Variants in SLC4A10 observed in about 807,000 individuals in gnomAD.
The protein encoded by SLC4A10 is sodium-driven chloride bicarbonate exchanger.
SLC4A10 carries 42 observed loss-of-function variants against 137.7 expected under a neutral mutation model. That is an observed-to-expected ratio of 0.30 (90% confidence interval 0.24 to 0.39). The LOEUF is 0.39. SLC4A10 is among the 10% of genes least tolerant of loss of function. SLC4A10 has a pLI of 1.00. For synonymous variants in SLC4A10, 474 were observed against 464.1 expected, an observed-to-expected ratio of 1.02 and a Z score of -0.27; for missense variants, 925 against 1,355.0, an observed-to-expected ratio of 0.68 and a Z score of 4.98.
At chr2:161,684,916 A>C (rs1249120991) in intron 1 of SLC4A10, among the ~76,000 whole-genome samples, 3 of 152,130 alleles carry the variant, frequency 2.0e-5, no homozygotes, top group Non-Finnish European at 4.4e-5. Context: ...TATGTTGCTG[A>C]TTCTGAGGTT....
chr2:161,774,535 C>T (rs1279133254), intron 2 of SLC4A10, among the ~76,000 whole-genome samples: 1 of 151,814 alleles, frequency 6.6e-6, no homozygotes, highest in Non-Finnish European at 1.5e-5. Context: ...CTACGTTCCT[C>T]CCCAAGAATT....
intron 23 of SLC4A10, among the ~76,000 whole-genome samples, chr2:161,966,446 G>A (rs1008016346): frequency 1.3e-5 from 2 of 151,872 alleles, no homozygotes; most frequent in Admixed American, 6.6e-5. Flanking sequence ...AAATATTAGT[G>A]CTTTTTTAAA....
chr2:161,755,811 C>T (rs534141270), intron 1 of SLC4A10, among the ~76,000 whole-genome samples: 1 of 150,378 alleles, frequency 6.6e-6, no homozygotes, highest in South Asian at 2.1e-4. Context: ...TGCCCTGTCA[C>T]CTAGGCTGGA....
At position 161,905,698 on chromosome 2, in the gene SLC4A10, C is replaced by T; in HGVS notation, c.1808C>T (p.Thr603Ile). ...GCTAGCATTGGACTTTGGACTGCAA[C>T]TCTATGTATCATACTTGTGGCCACA... The part of the protein sequence containing the change: ...LRASIGLWTA[T>I]LCIILVATDA... The change falls in exon 15 of 27, where the codon ACT (threonine) becomes ATT (isoleucine). Residue 603 changes from threonine to isoleucine, a missense_variant. Thr to Ile is a moderately conservative substitution (Grantham distance 89). Coordinates refer to ENST00000446997, the MANE Select transcript of SLC4A10 (RefSeq NM_001178015.2). 1 of 1,613,950 alleles carries T rather than the reference C, an allele frequency of 6.2e-7. No individual in the cohort carries two copies. Among genetic ancestry groups the T allele is most frequent in the Non-Finnish European group, 8.5e-7 (1 of 1,179,868 alleles).
chr2:161,783,832 A>G (rs1389642008), intron 2 of SLC4A10, among the ~76,000 whole-genome samples: 1 of 151,818 alleles, frequency 6.6e-6, no homozygotes, highest in African/African-American at 2.4e-5. Context: ...GCAAGAGAGG[A>G]AAAAATGCAC....
intron 1 of SLC4A10, among the ~76,000 whole-genome samples, chr2:161,660,186 A>G (rs1449273874): frequency 6.6e-6 from 1 of 152,234 alleles, no homozygotes; most frequent in Non-Finnish European, 1.5e-5. Context: ...ATCTCAATAA[A>G]ACTGCTAAAA....
At chr2:161,831,114 C>T (rs1386608388) in intron 3 of SLC4A10, among the ~76,000 whole-genome samples, 1 of 152,072 alleles carries the variant, frequency 6.6e-6, no homozygotes, top group Non-Finnish European at 1.5e-5. Flanking sequence ...ACTGTAATAG[C>T]AAGGGAAAGA....
At chr2:161,959,431 A>G (rs1696234179) in intron 21 of SLC4A10, among the ~76,000 whole-genome samples, 1 of 152,172 alleles carries the variant, frequency 6.6e-6, no homozygotes, top group South Asian at 2.1e-4. Flanking sequence ...TGAAGGTTTG[A>G]TAGTGCTGGA....
At chr2:161,897,265 C>G (rs895785335) in intron 11 of SLC4A10, among the ~76,000 whole-genome samples, 1 of 151,906 alleles carries the variant, frequency 6.6e-6, no homozygotes, top group Non-Finnish European at 1.5e-5. Flanking sequence ...GAGTGATGAC[C>G]AAATATTTGT....
intron 6 of SLC4A10, among the ~76,000 whole-genome samples, chr2:161,869,158 T>C (rs2060954714): frequency 6.6e-6 from 1 of 151,730 alleles, no homozygotes; most frequent in South Asian, 2.1e-4. Flanking sequence ...TTCTTTGTTA[T>C]TCTATTAGGA....
At chr2:161,915,130 C>G (rs530196677) in intron 15 of SLC4A10, among the ~76,000 whole-genome samples, 1 of 152,058 alleles carries the variant, frequency 6.6e-6, no homozygotes, top group Non-Finnish European at 1.5e-5. Flanking sequence ...AGCAGCTAGA[C>G]GTCAGGGAGA....
chr2:161,771,393 G>A (rs1007748553), intron 2 of SLC4A10, among the ~76,000 whole-genome samples: 14 of 151,838 alleles, frequency 9.2e-5, no homozygotes, highest in African/African-American at 3.1e-4. Context: ...CTGTGTGAGA[G>A]GTGAATGTAG....
At chr2:161,896,775 A>T (rs2063552351) in intron 11 of SLC4A10, among the ~76,000 whole-genome samples, 1 of 152,152 alleles carries the variant, frequency 6.6e-6, no homozygotes, top group Admixed American at 6.6e-5. Context: ...CTTTCTTAGT[A>T]CTACCTAACA....
At position 161,983,637 on chromosome 2, in the gene SLC4A10, T is replaced by A. The variant is rs1434895560; in HGVS notation, c.*485T>A. 1.3e-5 allele frequency: 2 copies of A among 159,008 alleles called. No homozygotes were observed. The highest frequency in any genetic ancestry group is 2.7e-5 in the Non-Finnish European group (2 of 72,816). The allele number at this position is 159,008 out of a possible 1,614,324, so 9.8% of individuals were successfully genotyped here. ...TTTTTGAAAGGTAGTCTTACTTCTTTTTAGTTTTTATAGCTTAGCATTAGT... is the reference window on the plus strand; with the variant it reads ...TTTTTGAAAGGTAGTCTTACTTCTTATTAGTTTTTATAGCTTAGCATTAGT... On this transcript the variant is annotated 3_prime_UTR_variant, in exon 27 of 27. Transcript: ENST00000446997.
At chr2:161,699,516 T>C (rs562551058) in intron 1 of SLC4A10, among the ~76,000 whole-genome samples, 1 of 152,326 alleles carries the variant, frequency 6.6e-6, no homozygotes, top group Non-Finnish European at 1.5e-5. Context: ...TTTAAGCATA[T>C]ATTAAGTTCA....
chr2:161,656,102 A>G (rs190922042), intron 1 of SLC4A10, among the ~76,000 whole-genome samples: 251 of 152,272 alleles, frequency 1.6e-3, no homozygotes, highest in African/African-American at 5.7e-3. Context: ...ATGAGCCACC[A>G]GGCCCAGCCA....
In SLC4A10 at chr2:161,839,664, G is replaced by A. The variant is rs1381336639; in HGVS notation, c.278-125G>A. 13 of 958,792 alleles carry A rather than the reference G, an allele frequency of 1.4e-5. 1 individual carries two copies. In the African/African-American group the frequency reaches 2.0e-4, roughly 14 times the overall value. 59.4% of individuals were successfully genotyped at this position (958,792 alleles called of 1,614,324 possible). A position where few individuals can be genotyped will look rare whatever the true frequency, so the allele number is the denominator to read the frequency against. ...ATTTGGATGAGTGTTGCAGTGGGGAGCAGGGGAGGTGTGAGCTTGGGGTGG... is the reference window on the plus strand; with the variant it reads ...ATTTGGATGAGTGTTGCAGTGGGGAACAGGGGAGGTGTGAGCTTGGGGTGG... On this transcript the variant is annotated intron_variant, in intron 3 of 26. Transcript: ENST00000446997.
intron 3 of SLC4A10, among the ~76,000 whole-genome samples, chr2:161,831,041 A>G (rs1287972802): frequency 1.3e-5 from 2 of 152,202 alleles, no homozygotes; most frequent in African/African-American, 4.8e-5. Context: ...GACAGCTACA[A>G]GATTCTGAGG....
chr2:161,923,613 G>A (rs1221640726), intron 15 of SLC4A10, among the ~76,000 whole-genome samples: 1 of 151,208 alleles, frequency 6.6e-6, no homozygotes, highest in Non-Finnish European at 1.5e-5. Context: ...TCACAGGTGG[G>A]AATTGAACAA....
Sources: allele counts gnomAD v4.1 joint callset (sites outside exome capture counted in the v4.1 genomes callset), GRCh38; gene constraint gnomAD v4.1.1; transcripts MANE v1.5; gene names NCBI Gene and HGNC (gene_info 2026-07-23, HGNC 2026-07-21).